ADGRL3: variants seen among roughly 807,000 people sequenced by gnomAD.
ADGRL3 encodes adhesion G protein-coupled receptor L3, also known as calcium-independent alpha-latrotoxin receptor 3.
In ADGRL3, 62 loss-of-function variants were observed where a neutral mutation model predicts 153.5. The observed-to-expected ratio is 0.40, with a 90% CI of 0.33 to 0.50. ADGRL3 has a LOEUF of 0.50. ADGRL3 is among the 20% of genes least tolerant of loss of function. The probability of loss-of-function intolerance (pLI) is 0.47; values close to 1 mark genes in which losing one functional copy is unlikely to be tolerated. For synonymous variants in ADGRL3, 710 were observed against 672.5 expected (o/e 1.06, Z -0.86); for missense variants, 1,641 against 1,859.4 (o/e 0.88, Z 2.16).
At chr4:61,243,546 T>C (rs1221010792) in intron 1 of ADGRL3, among the ~76,000 whole-genome samples, 1 of 151,892 alleles carries the variant, frequency 6.6e-6, no homozygotes, top group African/African-American at 2.4e-5. Context: ...AGACTTAGAG[T>C]TTCCTCTAGC....
intron 1 of ADGRL3, among the ~76,000 whole-genome samples, chr4:61,373,682 A>G (rs890060311): frequency 3.9e-5 from 6 of 152,176 alleles, no homozygotes; most frequent in Non-Finnish European, 8.8e-5. Context: ...ATTCTGAAAA[A>G]TATTGTTTCA....
At chr4:61,338,010 C>A (rs907473742) in intron 1 of ADGRL3, among the ~76,000 whole-genome samples, 3 of 151,966 alleles carry the variant, frequency 2.0e-5, no homozygotes, top group African/African-American at 7.2e-5. Context: ...CACCTGTAAT[C>A]CCCCAGCACT....
At chr4:61,711,259 T>C (rs1043144949) in intron 6 of ADGRL3, among the ~76,000 whole-genome samples, 1 of 151,792 alleles carries the variant, frequency 6.6e-6, no homozygotes, top group African/African-American at 2.4e-5. Context: ...TATTTGCCTA[T>C]TACTATTTTC....
chr4:61,896,083 C>T (rs976149791), intron 11 of ADGRL3, among the ~76,000 whole-genome samples: 1 of 151,858 alleles, frequency 6.6e-6, no homozygotes, highest in Admixed American at 6.6e-5. Context: ...TGGTATTGTG[C>T]ACTACAGCTA....
At chr4:61,646,285 C>T (rs868628342) in intron 5 of ADGRL3, among the ~76,000 whole-genome samples, 4 of 152,174 alleles carry the variant, frequency 2.6e-5, no homozygotes, top group South Asian at 4.1e-4. Flanking sequence ...TCTCTCAGCT[C>T]GTCAAAGTCA....
rs768317847 is a variant in ADGRL3 at position 61,383,135 on chromosome 4, T to G, written c.-228T>G. The G allele has an allele frequency of 2.0e-5, 3 of 151,698 alleles. No homozygotes were observed. The highest frequency in any genetic ancestry group is 3.0e-5 in the Non-Finnish European group (2 of 67,754). The allele number at this position is 151,698 out of a possible 1,614,324, so 9.4% of individuals were successfully genotyped here. ...TTCTTTTTTTTCAGAAATGTTTAATTTGGTAAATTGGAGGAAAAAAACATG... is the reference window on the plus strand; with the variant it reads ...TTCTTTTTTTTCAGAAATGTTTAATGTGGTAAATTGGAGGAAAAAAACATG... On this transcript the variant is annotated 5_prime_UTR_variant, in exon 2 of 27. It adds an upstream start codon to the 5' untranslated region. Transcript: ENST00000683033.
intron 8 of ADGRL3, among the ~76,000 whole-genome samples, chr4:61,800,576 TA>T (rs1251127294): frequency 6.6e-6 from 1 of 152,162 alleles, no homozygotes; most frequent in Non-Finnish European, 1.5e-5. Flanking sequence ...AGTGCTGTCT[TA>T]AAAAAGTTGA....
At chr4:61,301,633 C>A (rs2094582681) in intron 1 of ADGRL3, among the ~76,000 whole-genome samples, 1 of 152,286 alleles carries the variant, frequency 6.6e-6, no homozygotes, top group South Asian at 2.1e-4. Flanking sequence ...TAAAAAATTT[C>A]TCTTTCCCCC....
chr4:61,547,216 A>C (rs1342878092), intron 4 of ADGRL3, among the ~76,000 whole-genome samples: 6 of 151,288 alleles, frequency 4.0e-5, no homozygotes, highest in African/African-American at 1.5e-4. Flanking sequence ...CCAGCACACC[A>C]TTGCTCTCTG....
intron 9 of ADGRL3, among the ~76,000 whole-genome samples, chr4:61,827,821 G>A (rs1431037890): frequency 6.6e-6 from 1 of 152,136 alleles, no homozygotes. Flanking sequence ...TCAGACTAAA[G>A]ATCACCCATT....
At chr4:61,280,260 C>T (rs985132688) in intron 1 of ADGRL3, among the ~76,000 whole-genome samples, 1 of 151,664 alleles carries the variant, frequency 6.6e-6, no homozygotes, top group Non-Finnish European at 1.5e-5. Flanking sequence ...CAGGAGCACG[C>T]CACCATGCCT....
chr4:61,504,917 T>A (rs2098417594), intron 3 of ADGRL3, among the ~76,000 whole-genome samples: 1 of 152,184 alleles, frequency 6.6e-6, no homozygotes, highest in Admixed American at 6.6e-5. Context: ...TTGCAATAAA[T>A]ATGAGAGTGC....
chr4:61,787,174 C>T (rs1291116083), intron 8 of ADGRL3, among the ~76,000 whole-genome samples: 1 of 151,994 alleles, frequency 6.6e-6, no homozygotes, highest in Non-Finnish European at 1.5e-5. Context: ...TCAATAACAT[C>T]ACAATTGAAG....
chr4:61,296,030 G>A (rs2094401082), intron 1 of ADGRL3, among the ~76,000 whole-genome samples: 1 of 152,134 alleles, frequency 6.6e-6, no homozygotes, highest in South Asian at 2.1e-4. Flanking sequence ...TATATGTTAT[G>A]TGTTTTAAAA....
Position 62,009,384 on chromosome 4 carries a change from A to G in ADGRL3, c.3395+11119A>G, listed in dbSNP as rs148599082. On this transcript the variant is annotated intron_variant, in intron 21 of 26. Transcript: ENST00000683033. ...ATACCTTATAATTTTTTATTTAACT[A>G]TCTTTCTAAAAATAAAATATAGAGT... is the stretch of plus-strand genomic sequence containing the variant. 1.6e-3 allele frequency among the ~76,000 whole-genome samples: 241 copies of G among 152,096 alleles called. 1 individual carries two copies. Among genetic ancestry groups the G allele is most frequent in the Non-Finnish European group, 2.3e-3 (157 of 67,972 alleles).
Position 61,914,478 on chromosome 4 carries a change from G to C in ADGRL3, c.2112+1721G>C, listed in dbSNP as rs115119023. ...ATTTTTTATGTGTAGGTTTGATAAA[G>C]AGTAGACAGTCATGGGAAAGTGCAA... On this transcript the variant is annotated intron_variant, in intron 13 of 26. Coordinates refer to ENST00000683033, the MANE Select transcript of ADGRL3 (RefSeq NM_001387552.1). Among the ~76,000 whole-genome samples the C allele has an allele frequency of 4.1e-3, 627 of 152,170 alleles. 5 individuals are homozygous for C. The highest frequency in any genetic ancestry group is 0.015 in the African/African-American group (608 of 41,516).
In ADGRL3 at chr4:61,935,962, A is replaced by G; in HGVS notation, c.2336A>G (p.Glu779Gly). ...AGACTGAGCACAGAAGGAAACTTAG[A>G]AGACCTAAAATTTCCAGAAAACATG... ...VARLSTEGNLEDLKFPENMGH... is the reference protein window; with the variant it reads ...VARLSTEGNLGDLKFPENMGH... Residue 779 changes from glutamate to glycine, a missense_variant, in exon 15 of 27, where the codon GAA becomes GGA. Around this residue, in one of 5 missense-constraint regions of ADGRL3, gnomAD observed 734 missense variants for 797.0 expected, o/e 0.92. Coordinates refer to ENST00000683033, the MANE Select transcript of ADGRL3 (RefSeq NM_001387552.1). 1 of 1,601,502 alleles carries G rather than the reference A, an allele frequency of 6.2e-7. No homozygotes were observed.
At chr4:62,069,168 T>A (rs1377825676) in intron 26 of ADGRL3, among the ~76,000 whole-genome samples, 2 of 152,176 alleles carry the variant, frequency 1.3e-5, no homozygotes, top group African/African-American at 2.4e-5. Context: ...TGGTCAGATT[T>A]ATTTCACTGC....
At chr4:61,988,143 A>G (rs1415297036) in intron 19 of ADGRL3, among the ~76,000 whole-genome samples, 1 of 152,144 alleles carries the variant, frequency 6.6e-6, no homozygotes, top group Non-Finnish European at 1.5e-5. Context: ...ACACATACAC[A>G]CAAAGCATAC....
Sources: gnomAD v4.1 joint callset for allele counts (sites outside exome capture counted in the v4.1 genomes callset) on GRCh38, gnomAD v4.1.1 for gene constraint, gnomAD v4.1.1 regional missense constraint, MANE v1.5 for transcripts, NCBI Gene and HGNC (gene_info 2026-07-23, HGNC 2026-07-21) for gene names.